Variants in LINGO2 observed in about 807,000 individuals in gnomAD.
The protein encoded by LINGO2 is leucine rich repeat and Ig domain containing 2.
LINGO2 carries 14 observed loss-of-function variants against 30.6 expected under a neutral mutation model. The ratio of observed to expected loss-of-function variants is 0.46; its 90% CI spans 0.30 to 0.72. LINGO2 has a LOEUF of 0.72. LINGO2 is among the 30% of genes least tolerant of loss of function. The probability of loss-of-function intolerance (pLI) is 0.07; values close to 1 mark genes in which losing one functional copy is unlikely to be tolerated. For missense variants in LINGO2, 729 were observed against 751.7 expected, an observed-to-expected ratio of 0.97 and a Z score of 0.35; for synonymous variants, 317 against 288.5, an observed-to-expected ratio of 1.10 and a Z score of -1.00.
At chr9:28,567,012 C>T (rs1358968590) in intron 1 of LINGO2, among the ~76,000 whole-genome samples, 2 of 152,162 alleles carry the variant, frequency 1.3e-5, no homozygotes, top group Admixed American at 1.3e-4. Context: ...TGCAACATTA[C>T]TTCCTTATTG....
the LINGO2 span, among the ~76,000 whole-genome samples, chr9:29,018,035 T>TATATAG: frequency 7.0e-6 from 1 of 142,772 alleles, no homozygotes; most frequent in African/African-American, 2.5e-5. Context: ...TATATATATA[T>TATATAG]AGAGAGAGAG....
At chr9:29,002,417 T>G in the LINGO2 span, among the ~76,000 whole-genome samples, 1 of 152,100 alleles carries the variant, frequency 6.6e-6, no homozygotes, top group Admixed American at 6.6e-5. Flanking sequence ...AGCAAGAACT[T>G]GCTCAGGACA....
the LINGO2 span, among the ~76,000 whole-genome samples, chr9:28,985,935 C>T: frequency 1.3e-5 from 2 of 151,938 alleles, no homozygotes; most frequent in Non-Finnish European, 2.9e-5. Flanking sequence ...AAAGTTACTG[C>T]CCAGACCAAT....
chr9:28,322,290 C>T (rs1564121938), intron 3 of LINGO2, among the ~76,000 whole-genome samples: 1 of 152,118 alleles, frequency 6.6e-6, no homozygotes, highest in South Asian at 2.1e-4. Context: ...ATCACCCAAG[C>T]TAAAATTAAT....
intron 4 of LINGO2, among the ~76,000 whole-genome samples, chr9:28,187,021 G>A (rs914830239): frequency 5.9e-5 from 9 of 152,100 alleles, no homozygotes. Context: ...CAGTAGTGGG[G>A]ACAGATTGAA....
intron 5 of LINGO2, among the ~76,000 whole-genome samples, chr9:28,005,572 T>TATA (rs1822224222): frequency 6.6e-6 from 1 of 152,042 alleles, no homozygotes; most frequent in Admixed American, 6.6e-5. Context: ...AAGTGAGAAG[T>TATA]TCAATCTTTT....
the LINGO2 span, among the ~76,000 whole-genome samples, chr9:28,712,078 T>C: frequency 6.6e-6 from 1 of 152,034 alleles, no homozygotes; most frequent in Admixed American, 6.6e-5. Context: ...TAAGAAATAC[T>C]CTACATTTGA....
chr9:28,434,253 A>G (rs939421165), intron 2 of LINGO2, among the ~76,000 whole-genome samples: 1 of 151,562 alleles, frequency 6.6e-6, no homozygotes, highest in African/African-American at 2.4e-5. Flanking sequence ...GTGTAGTCAG[A>G]AAGAATGACT....
chr9:28,920,201 G>C, the LINGO2 span, among the ~76,000 whole-genome samples: 2 of 152,038 alleles, frequency 1.3e-5, no homozygotes, highest in Non-Finnish European at 2.9e-5. Context: ...TCTCCTTAAA[G>C]ATTTGAACAT....
chr9:28,519,126 G>A (rs575466131), intron 1 of LINGO2, among the ~76,000 whole-genome samples: 9 of 152,170 alleles, frequency 5.9e-5, no homozygotes, highest in African/African-American at 2.2e-4. Flanking sequence ...TCAACCTCTT[G>A]GGCTCAAGTG....
chr9:28,378,051 T>A (rs897306992), intron 2 of LINGO2, among the ~76,000 whole-genome samples: 2 of 152,224 alleles, frequency 1.3e-5, no homozygotes, highest in East Asian at 3.9e-4. Flanking sequence ...ATCAAATCAT[T>A]TATACTTTCT....
At chr9:28,764,757 G>T in the LINGO2 span, among the ~76,000 whole-genome samples, 1 of 151,810 alleles carries the variant, frequency 6.6e-6, no homozygotes, top group Non-Finnish European at 1.5e-5. Flanking sequence ...AAACCCCATA[G>T]ATCCTGCCAA....
intron 4 of LINGO2, among the ~76,000 whole-genome samples, chr9:28,070,131 A>G (rs1035247084): frequency 4.6e-5 from 7 of 152,108 alleles, no homozygotes; most frequent in African/African-American, 1.2e-4. Context: ...CTCTAACTCA[A>G]TAAGAGTTAC....
At chr9:28,779,861 T>C in the LINGO2 span, among the ~76,000 whole-genome samples, 1 of 152,122 alleles carries the variant, frequency 6.6e-6, no homozygotes, top group Non-Finnish European at 1.5e-5. Flanking sequence ...GAACCATTGC[T>C]CTATTATTTC....
chr9:28,154,377 A>G (rs927042257), intron 4 of LINGO2, among the ~76,000 whole-genome samples: 1 of 152,216 alleles, frequency 6.6e-6, no homozygotes, highest in African/African-American at 2.4e-5. Flanking sequence ...GGAAAATATT[A>G]TAAATCAAAG....
At chr9:28,460,839 G>A (rs112150511) in intron 2 of LINGO2, among the ~76,000 whole-genome samples, 121 of 152,102 alleles carry the variant, frequency 8.0e-4, no homozygotes, top group African/African-American at 2.9e-3. Context: ...GGGTGGAGGA[G>A]TGGGAGGTGA....
chr9:28,441,940 A>G (rs1824214159), intron 2 of LINGO2, among the ~76,000 whole-genome samples: 3 of 152,010 alleles, frequency 2.0e-5, no homozygotes, highest in Non-Finnish European at 4.4e-5. Context: ...AACTTCACCC[A>G]CTGTTTTCTA....
At chr9:28,196,332 C>G (rs535448340) in intron 4 of LINGO2, among the ~76,000 whole-genome samples, 34 of 151,502 alleles carry the variant, frequency 2.2e-4, no homozygotes, top group African/African-American at 8.2e-4. Context: ...ATTTCCAGAC[C>G]TATGTTTATA....
Position 28,148,553 on chromosome 9 carries a change from C to T in LINGO2, c.-86-136148G>A, listed in dbSNP as rs1204527186. ...TGGGGAAGCAGCTTCCACCTCTAGG[C>T]CCCTGGAGACTCAGGGAAACTTCAC... On this transcript the variant is annotated intron_variant, in intron 4 of 5. Transcript: ENST00000379992. This position sits in a 1 kb window ranked among gnomAD's most constrained non-coding sequence, Gnocchi z 5.1. 2.0e-6 allele frequency: 3 copies of T among 1,489,758 alleles called. No individual in the cohort carries two copies. The highest frequency in any genetic ancestry group is 3.9e-5 in the Admixed American group (2 of 50,920). 92.3% of individuals were successfully genotyped at this position (1,489,758 alleles called of 1,614,324 possible).
Sources: allele counts gnomAD v4.1 joint callset (sites outside exome capture counted in the v4.1 genomes callset), GRCh38; gene constraint gnomAD v4.1.1; non-coding constraint Gnocchi (gnomAD v3.1); transcripts MANE v1.5; gene names NCBI Gene and HGNC (gene_info 2026-07-23, HGNC 2026-07-21).